Variants in ITSN1 observed in about 807,000 individuals in gnomAD.
The protein encoded by ITSN1 is intersectin 1, also known as intersectin-1.
Under a neutral mutation model 239.8 loss-of-function variants are expected in ITSN1, and 58 were observed. The observed-to-expected ratio is 0.24, with a 90% CI of 0.20 to 0.30. ITSN1 has a LOEUF of 0.30. Ranked by LOEUF, ITSN1 falls within the 10% of genes least tolerant of loss-of-function variation. ITSN1 has a pLI of 1.00. For missense variants in ITSN1, 1,558 were observed against 2,103.3 expected (o/e 0.74, Z 5.07); for synonymous variants, 780 against 770.8 (o/e 1.01, Z -0.20).
At chr21:33,787,370 AATTATG>A (rs112686280) in intron 16 of ITSN1, among the ~76,000 whole-genome samples, 4 of 152,360 alleles carry the variant, frequency 2.6e-5, no homozygotes, top group African/African-American at 9.6e-5. Flanking sequence ...ACTAATTCAC[AATTATG>A]ATTTAATTCC....
intron 1 of ITSN1, among the ~76,000 whole-genome samples, chr21:33,664,376 C>T (rs776722841): frequency 2.0e-5 from 3 of 151,980 alleles, no homozygotes; most frequent in South Asian, 4.1e-4. Context: ...GTAGTAGGAG[C>T]GGGATGGGAA....
In ITSN1 at chr21:33,663,233, G is replaced by A. The variant is rs188895119; in HGVS notation, c.-33+20520G>A. On this transcript the variant is annotated intron_variant, in intron 1 of 39. Coordinates refer to ENST00000381318, the MANE Select transcript of ITSN1 (RefSeq NM_003024.3). Reference sequence around the variant, plus strand: ...ATGCCTGTAATTACTGCTCAGAAATGAAATATGTAAACTCTAGCATTATAT... The same window carrying A: ...ATGCCTGTAATTACTGCTCAGAAATAAAATATGTAAACTCTAGCATTATAT... Among the ~76,000 whole-genome samples the A allele has an allele frequency of 6.9e-4, 105 of 152,320 alleles. 1 individual carries two copies. The highest frequency in any genetic ancestry group is 2.5e-3 in the African/African-American group (103 of 41,588).
Position 33,746,910 on chromosome 21 carries a change from T to C in ITSN1, c.347-3233T>C, listed in dbSNP as rs374967687. On this transcript the variant is annotated intron_variant, in intron 5 of 39. Transcript: ENST00000381318. ...GGCTCACGGCTGTAATCCCAGCTCT[T>C]TGGGAGGCTGAGGTGGGCGGATCAC... Among the ~76,000 whole-genome samples, 10 of 151,982 alleles carry C rather than the reference T, an allele frequency of 6.6e-5. No individual in the cohort carries two copies. The East Asian group carries it at 1.4e-3, about 21-fold the overall frequency.
chr21:33,776,342 A>C (rs2069606473), intron 14 of ITSN1, among the ~76,000 whole-genome samples: 1 of 151,044 alleles, frequency 6.6e-6, no homozygotes, highest in Non-Finnish European at 1.5e-5. Context: ...GCTTGAGCTC[A>C]GGAGTTTGAG....
Position 33,814,067 on chromosome 21 carries a change from G to A in ITSN1, c.2722G>A (p.Gly908Ser). 6.2e-7 allele frequency: 1 copy of A among 1,614,020 alleles called. No individual in the cohort carries two copies. The highest frequency in any genetic ancestry group is 1.1e-5 in the South Asian group (1 of 91,072). The change falls in exon 22 of 40, where the codon GGC becomes AGC. Residue 908 changes from glycine (G) to serine (S), a missense_variant. Physicochemically the swap from Gly to Ser is moderately conservative, Grantham distance 56. Around this residue, in one of 2 missense-constraint regions of ITSN1, gnomAD observed 982 missense variants for 1,209.9 expected, o/e 0.81. Transcript: ENST00000381318. ...ATGSSPSPVL[G>S]QGEKVEGLQA... ...TGGCTCCTCCCCGTCTCCTGTGCTAGGCCAGGTAAAGGCAGCCAGTGAGAG... is the reference window on the plus strand; with the variant it reads ...TGGCTCCTCCCCGTCTCCTGTGCTAAGCCAGGTAAAGGCAGCCAGTGAGAG...
chr21:33,666,009 A>T (rs1180823673), intron 1 of ITSN1, among the ~76,000 whole-genome samples: 4 of 151,782 alleles, frequency 2.6e-5, no homozygotes, highest in African/African-American at 4.8e-5. Context: ...GCTCACTGCA[A>T]CCTCTGCCTC....
chr21:33,783,186 T>C (rs1371910679), intron 16 of ITSN1, among the ~76,000 whole-genome samples: 1 of 152,232 alleles, frequency 6.6e-6, no homozygotes, highest in Non-Finnish European at 1.5e-5. Flanking sequence ...TTGTTTTCCT[T>C]TTCTAACATA....
At chr21:33,737,455 T>G (rs1601922774) in intron 5 of ITSN1, among the ~76,000 whole-genome samples, 1 of 152,216 alleles carries the variant, frequency 6.6e-6, no homozygotes, top group Non-Finnish European at 1.5e-5. Context: ...TCAAGTTTAC[T>G]TAAGTATTTT....
In ITSN1 at chr21:33,883,564, T is replaced by C. The variant is rs1285253627; in HGVS notation, c.4569T>C (p.Asn1523=). 2.5e-6 allele frequency: 4 copies of C among 1,613,512 alleles called. No individual in the cohort carries two copies. In the Admixed American group the frequency reaches 6.7e-5, roughly 27 times the overall value. The change falls in exon 36 of 40, where the codon AAT becomes AAC. Residue 1523 remains asparagine, a synonymous_variant. Transcript: ENST00000381318. ...TTACTTTCCAGCCTATTTTCCTAAA[T>C]GAGGTTCTAGTAAAATTACCCACCG... ...YKMYKTPIFL[N]EVLVKLPTDP...
chr21:33,883,462 T>C (rs886378623), intron 35 of ITSN1, 88 bp from the exon 36 acceptor site: 22 of 1,550,626 alleles, frequency 1.4e-5, no homozygotes, highest in Non-Finnish European at 1.9e-5. Flanking sequence ...CTAGAACACA[T>C]TGGCATAAGT....
chr21:33,732,255 C>T (rs1259638588), intron 4 of ITSN1, among the ~76,000 whole-genome samples: 1 of 152,138 alleles, frequency 6.6e-6, no homozygotes, highest in Non-Finnish European at 1.5e-5. Context: ...CCTCCTTTAT[C>T]AGTCTTAAGG....
At chr21:33,822,958 A>G (rs1271350194) in intron 24 of ITSN1, among the ~76,000 whole-genome samples, 1 of 152,242 alleles carries the variant, frequency 6.6e-6, no homozygotes, top group Non-Finnish European at 1.5e-5. Flanking sequence ...CACTTCAATA[A>G]GGAAAAGTAT....
intron 30 of ITSN1, 93 bp from the exon 31 acceptor site, chr21:33,858,593 T>G: frequency 1.3e-5 from 10 of 768,396 alleles, no homozygotes; most frequent in East Asian, 2.6e-5. Flanking sequence ...TACAGACACC[T>G]GAGCCCTTTC....
At chr21:33,816,823 T>C (rs2073307912) in intron 22 of ITSN1, among the ~76,000 whole-genome samples, 1 of 151,792 alleles carries the variant, frequency 6.6e-6, no homozygotes, top group Non-Finnish European at 1.5e-5. Flanking sequence ...ATCTTAGGGG[T>C]GTTCGAAATC....
chr21:33,805,983 C>T (rs2072402203), intron 20 of ITSN1, among the ~76,000 whole-genome samples: 1 of 142,506 alleles, frequency 7.0e-6, no homozygotes, highest in Admixed American at 7.3e-5. Context: ...GTGGGCGGAT[C>T]ACAAGGTCAG....
intron 14 of ITSN1, among the ~76,000 whole-genome samples, chr21:33,777,102 A>G (rs375084335): frequency 1.6e-4 from 25 of 152,216 alleles, no homozygotes; most frequent in Middle Eastern, 3.4e-3. Context: ...TCATAGTTGT[A>G]TCTTATATGT....
At position 33,751,064 on chromosome 21, in the gene ITSN1, G is replaced by GAT. The variant is rs200209616; in HGVS notation, c.527-739_527-738dup. Among the ~76,000 whole-genome samples the GAT allele has an allele frequency of 1.0e-2, 1,520 of 152,228 alleles. 11 individuals are homozygous for GAT. Among genetic ancestry groups the GAT allele is most frequent in the South Asian group, 0.028 (137 of 4,812 alleles). On this transcript the variant is annotated intron_variant, in intron 6 of 39. Coordinates refer to ENST00000381318, the MANE Select transcript of ITSN1 (RefSeq NM_003024.3). ...CCTGAATTTGTTGTATATTTATCAGGATATATATTTAAGTTATGGCCAAAT... is the reference window on the plus strand; with the variant it reads ...CCTGAATTTGTTGTATATTTATCAGGATATATATATTTAAGTTATGGCCAAAT...
chr21:33,650,646 T>C (rs1029363552), intron 1 of ITSN1, among the ~76,000 whole-genome samples: 2 of 152,224 alleles, frequency 1.3e-5, no homozygotes, highest in African/African-American at 4.8e-5. Context: ...TCTGAAGTTA[T>C]CTGAAACTCA....
At chr21:33,838,243 A>C in intron 29 of ITSN1, 1 of 985,362 alleles carries the variant, frequency 1.0e-6, no homozygotes, top group African/African-American at 1.7e-5. Context: ...GTCCTCCTAA[A>C]GACTCTGTAA....
Sources: allele counts gnomAD v4.1 joint callset (sites outside exome capture counted in the v4.1 genomes callset), GRCh38; gene constraint gnomAD v4.1.1; regional missense constraint gnomAD v4.1.1; transcripts MANE v1.5; gene names NCBI Gene and HGNC (gene_info 2026-07-23, HGNC 2026-07-21).